The following IGSF9B variants were observed in gnomAD, a reference collection of about 807,000 sequenced individuals.
The protein encoded by IGSF9B is immunoglobulin superfamily member 9B, also known as protein turtle homolog B.
A neutral mutation model predicts 143.7 loss-of-function variants in IGSF9B; 48 were observed. That is an observed-to-expected ratio of 0.33 (90% CI 0.26 to 0.42). IGSF9B has a LOEUF of 0.42. Among genes scored for constraint, IGSF9B ranks in the 20% least tolerant of loss-of-function variants. IGSF9B has a pLI of 1.00. For synonymous variants in IGSF9B, 903 were observed against 833.1 expected, an observed-to-expected ratio of 1.08 and a Z score of -1.44; for missense variants, 1,706 against 1,980.0, an observed-to-expected ratio of 0.86 and a Z score of 2.63.
Position 133,907,410 on chromosome 11 carries a change from A to C in IGSF9B, c.*1659T>G, listed in dbSNP as rs1939225345. Among the ~76,000 whole-genome samples the C allele has an allele frequency of 6.6e-6, 1 of 152,220 alleles. No homozygotes were observed. Among genetic ancestry groups the C allele is most frequent in the South Asian group, 2.1e-4 (1 of 4,830 alleles). ...TCCAATGCTGCCGTGGCTCACGTCC[A>C]AGCAGGGAACTCGGGAGAGGTGGGT... is the stretch of plus-strand genomic sequence containing the variant. On this transcript the variant is annotated 3_prime_UTR_variant, in exon 20 of 20. Coordinates refer to ENST00000533871, the MANE Select transcript of IGSF9B (RefSeq NM_001277285.4).
Position 133,925,900 on chromosome 11 carries a change from G to A in IGSF9B, c.1873C>T (p.Arg625Trp). ...VTPPRCLIAN[R>W]TQQGVLLSWL... ...GACAGGAGCACACCCTGCTGAGTCC[G>A]ATTGGCTATGAGGCACCTCGGTGGG... The change falls in exon 14 of 20, where the codon CGG becomes TGG. Residue 625 changes from arginine (R) to tryptophan (W), a missense_variant. By Grantham distance (101) the Arg-to-Trp change is moderately radical. Transcript: ENST00000533871. 1.2e-6 allele frequency: 2 copies of A among 1,612,018 alleles called. No homozygotes were observed. Among genetic ancestry groups the A allele is most frequent in the Non-Finnish European group, 1.7e-6 (2 of 1,179,030 alleles).
At position 133,926,961 on chromosome 11, in the gene IGSF9B, G is replaced by T; in HGVS notation, c.1762C>A (p.Leu588Met). The change falls in exon 13 of 20, where the codon CTG becomes ATG. Residue 588 changes from leucine (L) to methionine (M), a missense_variant. Physicochemically the swap from Leu to Met is conservative, Grantham distance 15 (BLOSUM62 2). This residue lies in a region of IGSF9B where 267 missense variants were observed against 321.1 expected (regional missense o/e 0.83). Coordinates refer to ENST00000533871, the MANE Select transcript of IGSF9B (RefSeq NM_001277285.4). ...ACCTCACTGAAGGCGCTGGTTCCCA[G>T]CTTGTTCTGGGCCAGGACGCTGAAC... ...YQFSVLAQNK[L>M]GTSAFSEVVT... 6.3e-7 allele frequency: 1 copy of T among 1,597,104 alleles called. No homozygotes were observed. Among genetic ancestry groups the T allele is most frequent in the East Asian group, 2.3e-5 (1 of 43,996 alleles).
chr11:133,950,695 T>C (rs1423611599), intron 1 of IGSF9B, among the ~76,000 whole-genome samples: 7 of 152,208 alleles, frequency 4.6e-5, no homozygotes, highest in Non-Finnish European at 8.8e-5. Context: ...CCTAGGACCA[T>C]AGGGTGGGCC....
In IGSF9B at chr11:133,908,237, A is replaced by T. The variant is rs1013000821; in HGVS notation, c.*832T>A. ...AGCGTGAGCCACGCTGGAAGGAAGA[A>T]AGATGCAGGTCTAGGAGCCTGGCCA... is the stretch of plus-strand genomic sequence containing the variant. On this transcript the variant is annotated 3_prime_UTR_variant, in exon 20 of 20. Transcript: ENST00000533871. Among the ~76,000 whole-genome samples the T allele has an allele frequency of 6.6e-6, 1 of 152,192 alleles. No homozygotes were observed. Among genetic ancestry groups the T allele is most frequent in the East Asian group, 1.9e-4 (1 of 5,174 alleles).
Position 133,920,648 on chromosome 11 carries a change from G to A in IGSF9B, c.3077C>T (p.Pro1026Leu). The change falls in exon 18 of 20, where the codon CCC becomes CTC. Residue 1026 changes from proline to leucine, a missense_variant. Coordinates refer to ENST00000533871, the MANE Select transcript of IGSF9B (RefSeq NM_001277285.4). ...CCCTCCTGTAGGTGTCTGAGTCAAG[G>A]GCAGCGTGCTGTTGGATGCATTCTC... ...NGENASNSTL[P>L]LTQTPTGGRS... The A allele has an allele frequency of 1.2e-6, 2 of 1,613,538 alleles. No homozygotes were observed. The highest frequency in any genetic ancestry group is 2.2e-5 in the East Asian group (1 of 44,860).
At position 133,907,765 on chromosome 11, in the gene IGSF9B, TG is replaced by T. The variant is rs1565411392; in HGVS notation, c.*1303del. Among the ~76,000 whole-genome samples the T allele has an allele frequency of 1.3e-5, 2 of 152,154 alleles. No homozygotes were observed. Among genetic ancestry groups the T allele is most frequent in the Non-Finnish European group, 2.9e-5 (2 of 68,012 alleles). On this transcript the variant is annotated 3_prime_UTR_variant, in exon 20 of 20. Coordinates refer to ENST00000533871, the MANE Select transcript of IGSF9B (RefSeq NM_001277285.4). ...CTACGCCTCAGCCACAGAATAGAAC[TG>T]GGCAAAGAGGGCAGGATCCAGAGCG...
intron 18 of IGSF9B, among the ~76,000 whole-genome samples, chr11:133,915,029 G>C (rs1395074333): frequency 5.9e-5 from 9 of 152,100 alleles, no homozygotes; most frequent in Admixed American, 5.9e-4. Flanking sequence ...TTGATCCATA[G>C]ATGATGCCAT....
rs368083498 is a variant in IGSF9B at position 133,930,579 on chromosome 11, G to A, written c.1519+405C>T. ...ACTTCCTCCTGCCCAGCCTCCGCAC[G>A]CCAGGCCTGGCCTGCAGGTCTCAGC... On this transcript the variant is annotated intron_variant, in intron 11 of 19. Transcript: ENST00000533871. Among the ~76,000 whole-genome samples the A allele has an allele frequency of 4.3e-4, 65 of 152,250 alleles. 1 individual carries two copies. The highest frequency in any genetic ancestry group is 1.5e-3 in the African/African-American group (63 of 41,556).
intron 1 of IGSF9B, among the ~76,000 whole-genome samples, chr11:133,954,860 C>T (rs1211758140): frequency 1.3e-5 from 2 of 152,188 alleles, no homozygotes; most frequent in African/African-American, 4.8e-5. Context: ...AGAAGGACCC[C>T]TCTGCACCCT....
At chr11:133,935,002 C>A (rs1188364561) in intron 7 of IGSF9B, among the ~76,000 whole-genome samples, 2 of 152,274 alleles carry the variant, frequency 1.3e-5, no homozygotes, top group African/African-American at 4.8e-5. Flanking sequence ...GGGAAAGCAA[C>A]TGGCGGCTCA....
At chr11:133,947,708 T>TTTCTCTCTCTC in intron 1 of IGSF9B, among the ~76,000 whole-genome samples, 1 of 134,912 alleles carries the variant, frequency 7.4e-6, no homozygotes, top group South Asian at 2.7e-4. Flanking sequence ...TCTGTGTTTG[T>TTTCTCTCTCTC]TCTCTCTCTC....
Position 133,903,175 on chromosome 11 carries a change from G to A in IGSF9B, c.*5894C>T, listed in dbSNP as rs763639083. 6.6e-6 allele frequency among the ~76,000 whole-genome samples: 1 copy of A among 152,084 alleles called. No individual in the cohort carries two copies. Among genetic ancestry groups the A allele is most frequent in the African/African-American group, 2.4e-5 (1 of 41,408 alleles). On this transcript the variant is annotated 3_prime_UTR_variant, in exon 20 of 20. Transcript: ENST00000533871. ...GGCGAGGGAGAACCTGCCCTAGTTCGCAAAATAAATCCAGGAAATCCAGTG... is the reference window on the plus strand; with the variant it reads ...GGCGAGGGAGAACCTGCCCTAGTTCACAAAATAAATCCAGGAAATCCAGTG...
chr11:133,947,708 TTCTCTC>T lies in IGSF9B; in HGVS notation c.65-1456_65-1451del, dbSNP rs112387633. Among the ~76,000 whole-genome samples the T allele has an allele frequency of 5.9e-4, 79 of 134,908 alleles. 1 individual carries two copies. In the Middle Eastern group the frequency reaches 0.02, roughly 34 times the overall value. The allele number at this position is 134,908 out of a possible 152,430, so 88.5% of individuals were successfully genotyped here. On this transcript the variant is annotated intron_variant, in intron 1 of 19. Transcript: ENST00000533871. ...CACATGCTGGGCTCCTCTGTGTTTG[TTCTCTC>T]TCTCTCTCTCTCTCTCTCTCTCTCT... is the stretch of plus-strand genomic sequence containing the variant.
intron 13 of IGSF9B, 68 bp from the exon 14 acceptor site, chr11:133,926,033 C>T (rs1939619932): frequency 9.0e-7 from 1 of 1,107,198 alleles, no homozygotes; most frequent in African/African-American, 1.6e-5. Context: ...GCACCCCCCA[C>T]ACTCCTGTGC....
Position 133,937,412 on chromosome 11 carries a change from C to A in IGSF9B, c.643G>T (p.Gly215Trp). The change falls in exon 5 of 20, where the codon GGG becomes TGG. Residue 215 changes from glycine to tryptophan, a missense_variant. Transcript: ENST00000533871. ...AGGTGAGTCGTGTGGACAGCCTCCC[C>A]CTGAATGCTGTACGCTCGGCAGGTG... Reference protein sequence around the residue: ...AYTCRAYSIQGEAVHTTHLLV... With the variant: ...AYTCRAYSIQWEAVHTTHLLV... The A allele has an allele frequency of 6.2e-7, 1 of 1,613,638 alleles. No homozygotes were observed. Among genetic ancestry groups the A allele is most frequent in the Non-Finnish European group, 8.5e-7 (1 of 1,179,608 alleles).
At position 133,920,742 on chromosome 11, in the gene IGSF9B, C is replaced by G. The variant is rs755042408; in HGVS notation, c.2983G>C (p.Val995Leu). Residue 995 changes from valine (V) to leucine (L), a missense_variant, in exon 18 of 20, where the codon GTC (valine) becomes CTC (leucine). Coordinates refer to ENST00000533871, the MANE Select transcript of IGSF9B (RefSeq NM_001277285.4). The part of the protein sequence containing the change: ...VPEVGSPLSS[V>L]MSSPPLPTEG... ...GTGGGCAGGGGCGGGGACGACATGA[C>G]GGAGCTCAGGGGGCTGCCCACTTCT... 5 of 1,612,852 alleles carry G rather than the reference C, an allele frequency of 3.1e-6. No homozygotes were observed.
chr11:133,934,661 G>A (rs549568463), intron 7 of IGSF9B, among the ~76,000 whole-genome samples: 100 of 152,192 alleles, frequency 6.6e-4, no homozygotes, highest in Non-Finnish European at 1.1e-3. Context: ...CTCCACCACC[G>A]CGACCAGTGG....
Position 133,921,080 on chromosome 11 carries a change from T to C in IGSF9B, c.2645A>G (p.Glu882Gly). 1 of 1,613,878 alleles carries C rather than the reference T, an allele frequency of 6.2e-7. No individual in the cohort carries two copies. Among genetic ancestry groups the C allele is most frequent in the East Asian group, 2.2e-5 (1 of 44,868 alleles). Reference protein sequence around the residue: ...RRIEGFPFAEETDMYPEFRQS... With the variant: ...RRIEGFPFAEGTDMYPEFRQS... ...GCGGAACTCGGGGTACATGTCCGTC[T>C]CCTCGGCGAAGGGGAAGCCCTCGAT... The change falls in exon 18 of 20, where the codon GAG becomes GGG. Residue 882 changes from glutamate (E) to glycine (G), a missense_variant. Around this residue, in one of 7 missense-constraint regions of IGSF9B, gnomAD observed 880 missense variants for 762.9 expected, o/e 1.15. Transcript: ENST00000533871.
At chr11:133,922,110 G>A in intron 17 of IGSF9B, 67 bp downstream of exon 17, 2 of 1,339,522 alleles carry the variant, frequency 1.5e-6, no homozygotes, top group Non-Finnish European at 2.1e-6. Context: ...GCTGGGTAAG[G>A]CGAGCGGTCT....
Sources: gnomAD v4.1 joint callset for allele counts (sites outside exome capture counted in the v4.1 genomes callset) on GRCh38, gnomAD v4.1.1 for gene constraint, gnomAD v4.1.1 regional missense constraint, MANE v1.5 for transcripts, NCBI Gene and HGNC (gene_info 2026-07-23, HGNC 2026-07-21) for gene names.